The following SPAG16 variants were observed in gnomAD, a reference collection of about 807,000 sequenced individuals.
The protein encoded by SPAG16 is sperm associated antigen 16, also known as sperm-associated antigen 16 protein.
In SPAG16, 86 loss-of-function variants were observed where a neutral mutation model predicts 80.4. The observed-to-expected ratio is 1.07, with a 90% CI of 0.90 to 1.28. The LOEUF (loss-of-function observed/expected upper bound fraction) is 1.28. Among genes scored for constraint, SPAG16 ranks in the 50% most tolerant of loss-of-function variants. The pLI, the probability that SPAG16 is intolerant of heterozygous loss-of-function variation, is 0.00. For synonymous variants in SPAG16, 294 were observed against 265.9 expected (o/e 1.11, Z -1.03); for missense variants, 870 against 765.3 (o/e 1.14, Z -1.61).
chr2:213,701,367 T>C (rs1574860094), intron 10 of SPAG16, among the ~76,000 whole-genome samples: 2 of 152,134 alleles, frequency 1.3e-5, no homozygotes, highest in Non-Finnish European at 2.9e-5. Context: ...ACAATTACAA[T>C]GTAATAACAA....
intron 13 of SPAG16, among the ~76,000 whole-genome samples, chr2:214,048,755 T>A (rs547484246): frequency 3.7e-4 from 56 of 152,324 alleles, no homozygotes; most frequent in African/African-American, 1.2e-3. Flanking sequence ...ATGTGATGGA[T>A]ACCCTAATGT....
At chr2:213,606,584 T>A (rs1398126613) in intron 10 of SPAG16, among the ~76,000 whole-genome samples, 1 of 152,252 alleles carries the variant, frequency 6.6e-6, no homozygotes, top group African/African-American at 2.4e-5. Context: ...TTCTTGTACA[T>A]CTTTTTACTT....
intron 15 of SPAG16, among the ~76,000 whole-genome samples, chr2:214,183,942 A>G (rs2057388259): frequency 6.6e-6 from 1 of 152,118 alleles, no homozygotes; most frequent in South Asian, 2.1e-4. Flanking sequence ...GGGTTTTGAC[A>G]TAAATCTTGA....
At chr2:214,054,094 C>T (rs1442463256) in intron 13 of SPAG16, among the ~76,000 whole-genome samples, 1 of 152,100 alleles carries the variant, frequency 6.6e-6, no homozygotes, top group African/African-American at 2.4e-5. Flanking sequence ...ACTGAAACCT[C>T]CGCCTCCCGG....
chr2:214,280,777 T>A, intron 15 of SPAG16: 1 of 449,140 alleles, frequency 2.2e-6, no homozygotes, highest in East Asian at 5.8e-5. Flanking sequence ...TAGACTAGAT[T>A]CTCTCATATA....
At chr2:214,149,385 ACATT>A in intron 15 of SPAG16, 119 bp downstream of exon 15, 1 of 819,482 alleles carries the variant, frequency 1.2e-6, no homozygotes, top group Non-Finnish European at 1.7e-6. Flanking sequence ...TCTTAATATT[ACATT>A]ATATTACATT....
chr2:213,419,871 C>T (rs936344834), intron 9 of SPAG16, among the ~76,000 whole-genome samples: 1 of 152,156 alleles, frequency 6.6e-6, no homozygotes, highest in Admixed American at 6.5e-5. Flanking sequence ...TATCTCACTT[C>T]AGCTCCTGCA....
At chr2:213,586,315 A>G (rs542517905) in intron 10 of SPAG16, among the ~76,000 whole-genome samples, 7 of 152,318 alleles carry the variant, frequency 4.6e-5, no homozygotes, top group Admixed American at 4.6e-4. Flanking sequence ...AGGTGTTGAC[A>G]CATTCCATGT....
chr2:213,977,372 A>G (rs1010007911), intron 12 of SPAG16, among the ~76,000 whole-genome samples: 1 of 151,978 alleles, frequency 6.6e-6, no homozygotes. Context: ...CCTTGGATAA[A>G]ATTACTTAAA....
At chr2:214,095,116 C>T (rs11900000) in intron 13 of SPAG16, among the ~76,000 whole-genome samples, 13,243 of 152,082 alleles carry the variant, frequency 0.087, 757 homozygotes, top group East Asian at 0.29. Context: ...GGAAATCTAG[C>T]TCAGCACTTT....
chr2:213,860,474 T>G lies in SPAG16; in HGVS notation c.1071-2011T>G, dbSNP rs374050409. Among the ~76,000 whole-genome samples the G allele has an allele frequency of 1.9e-3, 139 of 72,510 alleles. No homozygotes were observed. In the South Asian group the frequency reaches 0.023, roughly 12 times the overall value. The allele number at this position is 72,510 out of a possible 152,430, so 47.6% of individuals were successfully genotyped here. On this transcript the variant is annotated intron_variant, in intron 10 of 15. Transcript: ENST00000331683. The stretch of plus-strand genomic sequence containing the variant: ...GTATATATATACAGATATATCTATC[T>G]ATATATATATATACACACATATGTG...
intron 15 of SPAG16, among the ~76,000 whole-genome samples, chr2:214,344,401 A>G (rs969671692): frequency 1.3e-5 from 2 of 152,192 alleles, no homozygotes; most frequent in African/African-American, 4.8e-5. Flanking sequence ...CCTTGCTTTT[A>G]TAAATATGAA....
chr2:213,702,680 T>G (rs116501261), intron 10 of SPAG16, among the ~76,000 whole-genome samples: 52 of 152,298 alleles, frequency 3.4e-4, no homozygotes, highest in African/African-American at 1.2e-3. Flanking sequence ...CTATGACACA[T>G]AGAAGCTGAG....
intron 15 of SPAG16, among the ~76,000 whole-genome samples, chr2:214,371,563 C>T (rs537582633): frequency 6.6e-6 from 1 of 150,554 alleles, no homozygotes; most frequent in South Asian, 2.1e-4. Context: ...GTATATGTTG[C>T]TCATTAGTAT....
At chr2:213,706,716 G>T (rs917225654) in intron 10 of SPAG16, among the ~76,000 whole-genome samples, 1 of 151,454 alleles carries the variant, frequency 6.6e-6, no homozygotes, top group Non-Finnish European at 1.5e-5. Flanking sequence ...TTAGTTTTTC[G>T]GAATGAAAAC....
At position 214,108,190 on chromosome 2, in the gene SPAG16, TC is replaced by T; in HGVS notation, c.1528-4del. The T allele has an allele frequency of 6.4e-7, 1 of 1,558,100 alleles. No individual in the cohort carries two copies. The highest frequency in any genetic ancestry group is 8.8e-7 in the Non-Finnish European group (1 of 1,142,542). On this transcript the variant is annotated splice_region_variant and splice_polypyrimidine_tract_variant and intron_variant, in intron 13 of 15. Coordinates refer to ENST00000331683, the MANE Select transcript of SPAG16 (RefSeq NM_024532.5). Reference sequence around the variant, plus strand: ...ATTTGACTCTGTTTCTGCTTTGTCTTCCTAGGGTATATGTGAGCAGTCACTT... The same window carrying T: ...ATTTGACTCTGTTTCTGCTTTGTCTTCTAGGGTATATGTGAGCAGTCACTT...
chr2:214,037,864 GGTGTGTGTGT>G (rs35564156), intron 13 of SPAG16, among the ~76,000 whole-genome samples: 2,309 of 133,694 alleles, frequency 0.017, 26 homozygotes, highest in Non-Finnish European at 0.026. Flanking sequence ...CCAGAAGCCT[GGTGTGTGTGT>G]GTGTGTGTGT....
At chr2:213,882,737 GAACA>G (rs1290931903) in intron 11 of SPAG16, among the ~76,000 whole-genome samples, 2 of 152,040 alleles carry the variant, frequency 1.3e-5, no homozygotes, top group African/African-American at 2.4e-5. Context: ...TTTTTTCAAA[GAACA>G]AACTTTTGGT....
chr2:213,935,158 C>T (rs1455817143), intron 12 of SPAG16, among the ~76,000 whole-genome samples: 6 of 143,774 alleles, frequency 4.2e-5, no homozygotes, highest in Admixed American at 7.3e-5. Context: ...GCCGAGATAG[C>T]GCCACTGCAC....
Sources: allele counts gnomAD v4.1 joint callset (sites outside exome capture counted in the v4.1 genomes callset), GRCh38; gene constraint gnomAD v4.1.1; transcripts MANE v1.5; gene names NCBI Gene and HGNC (gene_info 2026-07-23, HGNC 2026-07-21).